Variants in USP32 observed in about 807,000 individuals in gnomAD.
The protein encoded by USP32 is ubiquitin carboxyl-terminal hydrolase 32.
USP32 carries 59 observed loss-of-function variants against 204.8 expected under a neutral mutation model. The observed-to-expected ratio is 0.29, with a 90% confidence interval of 0.23 to 0.36. The LOEUF (loss-of-function observed/expected upper bound fraction) is 0.36, where lower values mean the gene tolerates loss of function less well. Ranked by LOEUF, USP32 falls within the 10% of genes least tolerant of loss-of-function variation. The pLI is 1.00. For missense variants in USP32, 1,160 were observed against 1,946.4 expected (o/e 0.60, Z 7.60); for synonymous variants, 517 against 678.4 (o/e 0.76, Z 3.70).
intron 19 of USP32, 48 bp downstream of exon 19, chr17:60,211,976 A>G: frequency 4.1e-6 from 6 of 1,449,236 alleles, no homozygotes; most frequent in Non-Finnish European, 5.6e-6. Flanking sequence ...AGAAAAAAAA[A>G]GAATACATTT....
chr17:60,293,857 GCACTGAGTGCT>G (rs1263827540), intron 4 of USP32, among the ~76,000 whole-genome samples: 2,781 of 152,248 alleles, frequency 0.018, 77 homozygotes, highest in African/African-American at 0.063. Flanking sequence ...AAAATGGGCA[GCACTGAGTGCT>G]GCATGAAAGA....
chr17:60,362,967 G>A (rs575355815), intron 1 of USP32, among the ~76,000 whole-genome samples: 1 of 151,912 alleles, frequency 6.6e-6, no homozygotes, highest in Admixed American at 6.6e-5. Context: ...AATAATAAAT[G>A]TTGCATCTAA....
chr17:60,418,903 T>C (rs1206513558), intron 1 of USP32, among the ~76,000 whole-genome samples: 2 of 152,186 alleles, frequency 1.3e-5, no homozygotes, highest in African/African-American at 4.8e-5. Flanking sequence ...GAAACACTTC[T>C]ACACTGTTGG....
rs770115182 is a variant in USP32 at position 60,205,610 on chromosome 17, T to C, written c.3086A>G (p.Asn1029Ser). The change falls in exon 26 of 34, where the codon AAT becomes AGT. Residue 1029 changes from asparagine (N) to serine (S), a missense_variant. Physicochemically the swap from Asn to Ser is conservative, Grantham distance 46. Around this residue, in one of 8 missense-constraint regions of USP32, gnomAD observed 47 missense variants for 71.1 expected, o/e 0.66. Coordinates refer to ENST00000300896, the MANE Select transcript of USP32 (RefSeq NM_032582.4). ...GAATATTGGTCGGGGTAGGTCCCCATTGGTAGTTAGGGTGAACATTTCATT... is the reference window on the plus strand; with the variant it reads ...GAATATTGGTCGGGGTAGGTCCCCACTGGTAGTTAGGGTGAACATTTCATT... The part of the protein sequence containing the change: ...STNEMFTLTT[N>S]GDLPRPIFIP... The C allele has an allele frequency of 5.6e-6, 9 of 1,613,954 alleles. No individual in the cohort carries two copies. The highest frequency in any genetic ancestry group is 2.2e-5 in the East Asian group (1 of 44,874).
Position 60,198,353 on chromosome 17 carries a change from C to A in USP32, c.3341G>T (p.Arg1114Leu). 1 of 1,614,110 alleles carries A rather than the reference C, an allele frequency of 6.2e-7. No homozygotes were observed. The highest frequency in any genetic ancestry group is 8.5e-7 in the Non-Finnish European group (1 of 1,180,020). Residue 1114 changes from arginine (R) to leucine (L), a missense_variant, in exon 27 of 34, where the codon CGG becomes CTG. Coordinates refer to ENST00000300896, the MANE Select transcript of USP32 (RefSeq NM_032582.4). ...AACCGCATCATATAGGTCTTTCTTC[C>A]GGGTATGCACAGTACATGGAACAAT... Reference protein sequence around the residue: ...PLIVPCTVHTRKKDLYDAVWI... With the variant: ...PLIVPCTVHTLKKDLYDAVWI...
rs150771203 is a variant in USP32 at position 60,402,574 on chromosome 17, C to T, written c.106+19672G>A. ...TTATTGATCAGTTATTCTTCTGAAA[C>T]GCTAAATTAGTAATCAGAATCACGT... On this transcript the variant is annotated intron_variant, in intron 1 of 3. Transcript: ENST00000588898. 7.9e-5 allele frequency among the ~76,000 whole-genome samples: 12 copies of T among 152,202 alleles called. No individual in the cohort carries two copies. The East Asian group carries it at 1.5e-3, about 20-fold the overall frequency.
At chr17:60,331,692 T>C (rs1252071136) in intron 2 of USP32, among the ~76,000 whole-genome samples, 1 of 140,364 alleles carries the variant, frequency 7.1e-6, no homozygotes, top group African/African-American at 2.7e-5. Flanking sequence ...GGAGGATTGC[T>C]TGAGTCCAGG....
intron 1 of USP32, among the ~76,000 whole-genome samples, chr17:60,349,596 A>AAATATATATATATAT (rs1555618242): frequency 1.5e-5 from 1 of 65,178 alleles, no homozygotes; most frequent in Non-Finnish European, 2.5e-5. Context: ...AAAAAAAAAA[A>AAATATATATATATAT]ATATATATAT....
intron 4 of USP32, among the ~76,000 whole-genome samples, chr17:60,289,367 T>A (rs992360242): frequency 6.6e-6 from 1 of 152,186 alleles, no homozygotes; most frequent in African/African-American, 2.4e-5. Context: ...TCCCTCTTCT[T>A]TAGCACTCTT....
intron 4 of USP32, among the ~76,000 whole-genome samples, chr17:60,289,768 T>C (rs556754194): frequency 6.6e-6 from 1 of 152,166 alleles, no homozygotes; most frequent in Admixed American, 6.5e-5. Context: ...CCTGAACTAT[T>C]TGATCAGGAA....
intron 2 of USP32, among the ~76,000 whole-genome samples, chr17:60,344,588 T>C (rs1301119888): frequency 6.6e-6 from 1 of 152,186 alleles, no homozygotes; most frequent in Admixed American, 6.5e-5. Context: ...TACCTGGGAC[T>C]TACAGGCACA....
chr17:60,249,692 T>C (rs1195754940), intron 11 of USP32: 2 of 700,096 alleles, frequency 2.9e-6, no homozygotes, highest in Non-Finnish European at 5.2e-6. Flanking sequence ...TCACCAAGGA[T>C]TAGTAGTTCT....
intron 26 of USP32, among the ~76,000 whole-genome samples, chr17:60,204,021 T>C (rs1184412171): frequency 1.3e-5 from 2 of 152,222 alleles, no homozygotes; most frequent in African/African-American, 2.4e-5. Flanking sequence ...ACCCGAAGAC[T>C]ACCTCTTTAA....
intron 1 of USP32, among the ~76,000 whole-genome samples, chr17:60,398,846 T>C (rs1646763891): frequency 6.6e-6 from 1 of 151,668 alleles, no homozygotes; most frequent in Non-Finnish European, 1.5e-5. Flanking sequence ...CTGGGTGTAG[T>C]GGTGTGTGCC....
At chr17:60,421,788 G>C (rs1280658705) in intron 1 of USP32, 55 of 941,886 alleles carry the variant, frequency 5.8e-5, no homozygotes, top group Non-Finnish European at 6.7e-5. Flanking sequence ...GAGGGCTCGC[G>C]GGTAGGAAGA....
At chr17:60,216,094 G>A (rs1462047427) in intron 16 of USP32, among the ~76,000 whole-genome samples, 16 of 152,002 alleles carry the variant, frequency 1.1e-4, no homozygotes, top group African/African-American at 3.6e-4. Context: ...AAAAAAAATC[G>A]TATTAGCCTG....
At chr17:60,375,133 G>C (rs930938528) in intron 1 of USP32, among the ~76,000 whole-genome samples, 2 of 152,016 alleles carry the variant, frequency 1.3e-5, no homozygotes, top group Non-Finnish European at 2.9e-5. Context: ...AGTGCTGTTG[G>C]TGGCTGGTAG....
chr17:60,381,565 C>T (rs180729198), intron 1 of USP32, among the ~76,000 whole-genome samples: 1 of 152,258 alleles, frequency 6.6e-6, no homozygotes, highest in Non-Finnish European at 1.5e-5. Flanking sequence ...TACTCAGGTG[C>T]TCTTCTTCAG....
intron 1 of USP32, among the ~76,000 whole-genome samples, chr17:60,390,911 A>G (rs1008109032): frequency 6.6e-6 from 1 of 152,218 alleles, no homozygotes; most frequent in Non-Finnish European, 1.5e-5. Flanking sequence ...ACACACTGAA[A>G]TCCCAGTCAT....
Sources: gnomAD v4.1 joint callset for allele counts (sites outside exome capture counted in the v4.1 genomes callset) on GRCh38, gnomAD v4.1.1 for gene constraint, gnomAD v4.1.1 regional missense constraint, MANE v1.5 for transcripts, NCBI Gene and HGNC (gene_info 2026-07-23, HGNC 2026-07-21) for gene names.